Variants in TMTC2 observed in about 807,000 individuals in gnomAD.
The protein encoded by TMTC2 is transmembrane O-mannosyltransferase targeting cadherins 2, also known as protein O-mannosyl-transferase TMTC2.
TMTC2 carries 43 observed loss-of-function variants against 82.4 expected under a neutral mutation model. The ratio of observed to expected loss-of-function variants is 0.52; its 90% CI spans 0.41 to 0.67. The LOEUF is 0.67. TMTC2 is among the 30% of genes least tolerant of loss of function. The probability of loss-of-function intolerance (pLI) is 0.00; values close to 1 mark genes in which losing one functional copy is unlikely to be tolerated. For synonymous variants in TMTC2, 408 were observed against 381.9 expected (o/e 1.07, Z -0.80); for missense variants, 919 against 1,012.4 (o/e 0.91, Z 1.25).
intron 3 of TMTC2, among the ~76,000 whole-genome samples, chr12:82,906,599 G>A (rs1187077517): frequency 1.3e-5 from 2 of 152,154 alleles, no homozygotes; most frequent in African/African-American, 2.4e-5. Context: ...TGAGGCAGGA[G>A]TATTGCTTGA....
chr12:83,002,537 T>C (rs1879973568), intron 8 of TMTC2, among the ~76,000 whole-genome samples: 1 of 152,174 alleles, frequency 6.6e-6, no homozygotes, highest in Non-Finnish European at 1.5e-5. Flanking sequence ...CTTCTTGATA[T>C]AGGCATTTAG....
At chr12:83,086,843 G>T (rs1296301152) in intron 11 of TMTC2, among the ~76,000 whole-genome samples, 1 of 151,716 alleles carries the variant, frequency 6.6e-6, no homozygotes, top group Non-Finnish European at 1.5e-5. Flanking sequence ...ATCTTTTTTT[G>T]CTGGTAAAGC....
intron 1 of TMTC2, among the ~76,000 whole-genome samples, chr12:82,723,346 GC>G (rs1187993896): frequency 6.6e-6 from 1 of 152,150 alleles, no homozygotes; most frequent in Non-Finnish European, 1.5e-5. Context: ...AGCTTTCTGA[GC>G]CCTGTTAGTT....
chr12:83,072,936 A>T (rs1883167298), intron 11 of TMTC2, among the ~76,000 whole-genome samples: 1 of 152,032 alleles, frequency 6.6e-6, no homozygotes, highest in Non-Finnish European at 1.5e-5. Context: ...GTGAGTTCTT[A>T]TCCATTCTGT....
intron 8 of TMTC2, among the ~76,000 whole-genome samples, chr12:82,992,271 A>G (rs896471771): frequency 6.6e-6 from 1 of 152,108 alleles, no homozygotes; most frequent in Non-Finnish European, 1.5e-5. Flanking sequence ...CTTCTTTTTC[A>G]TTCATTTGAC....
chr12:82,911,160 G>A (rs2137209355), intron 3 of TMTC2, among the ~76,000 whole-genome samples: 1 of 152,264 alleles, frequency 6.6e-6, no homozygotes, highest in South Asian at 2.1e-4. Flanking sequence ...GATTGCAGGT[G>A]TGAGCCACTG....
At chr12:83,021,387 G>A (rs1170721361) in intron 8 of TMTC2, among the ~76,000 whole-genome samples, 1 of 152,066 alleles carries the variant, frequency 6.6e-6, no homozygotes, top group Non-Finnish European at 1.5e-5. Flanking sequence ...TCTTTCCCAT[G>A]TGAATAAATG....
chr12:83,021,353 C>T lies in TMTC2; in HGVS notation c.2071-9445C>T, dbSNP rs188784145. ...ATCACTCCACTACATAGGCACCTTC[C>T]TATCAACACTTGCTTTCATACAGTC... On this transcript the variant is annotated intron_variant, in intron 8 of 11. Transcript: ENST00000321196. Among the ~76,000 whole-genome samples the T allele has an allele frequency of 2.0e-5, 3 of 152,216 alleles. No individual in the cohort carries two copies. In the East Asian group the frequency reaches 5.8e-4, roughly 29 times the overall value.
intron 1 of TMTC2, among the ~76,000 whole-genome samples, chr12:82,785,683 A>G (rs1294487498): frequency 6.6e-6 from 1 of 152,112 alleles, no homozygotes; most frequent in African/African-American, 2.4e-5. Flanking sequence ...CAATAAAATA[A>G]TGATATCGAA....
chr12:82,863,937 G>A (rs1177252923), intron 2 of TMTC2, among the ~76,000 whole-genome samples: 1 of 152,160 alleles, frequency 6.6e-6, no homozygotes, highest in Non-Finnish European at 1.5e-5. Context: ...AATGGTGGGG[G>A]AGTTGAGAGG....
At chr12:82,871,844 A>G (rs1042113516) in intron 2 of TMTC2, among the ~76,000 whole-genome samples, 4 of 152,034 alleles carry the variant, frequency 2.6e-5, no homozygotes, top group Non-Finnish European at 5.9e-5. Flanking sequence ...ATTAATACAT[A>G]TGTACTGTTT....
chr12:83,052,270 T>C (rs1882380407), intron 10 of TMTC2, among the ~76,000 whole-genome samples: 1 of 152,136 alleles, frequency 6.6e-6, no homozygotes, highest in African/African-American at 2.4e-5. Context: ...TAGATTCACC[T>C]GTAGTTATAA....
chr12:83,028,882 T>C (rs1034354267), intron 8 of TMTC2, among the ~76,000 whole-genome samples: 2 of 152,234 alleles, frequency 1.3e-5, no homozygotes, highest in Non-Finnish European at 2.9e-5. Context: ...CCTTTGAAGT[T>C]AAAATGTGGG....
rs556631006 is a variant in TMTC2, at chr12:83,029,140, T to A, written c.2071-1658T>A. Among the ~76,000 whole-genome samples the A allele has an allele frequency of 2.0e-5, 3 of 152,256 alleles. No homozygotes were observed. The East Asian group carries it at 5.8e-4, about 29-fold the overall frequency. ...TTTTGTTTTGTTTTGTTTTGTTTTG[T>A]TTTTAATGACGGAATGAACAAAAGG... On this transcript the variant is annotated intron_variant, in intron 8 of 11. Coordinates refer to ENST00000321196, the MANE Select transcript of TMTC2 (RefSeq NM_152588.3).
At chr12:83,073,337 C>G (rs1280745488) in intron 11 of TMTC2, among the ~76,000 whole-genome samples, 1 of 152,180 alleles carries the variant, frequency 6.6e-6, no homozygotes, top group Non-Finnish European at 1.5e-5. Flanking sequence ...GGTTTCTGCT[C>G]AGAAATCTGC....
At chr12:82,753,867 A>C (rs2136969847) in intron 1 of TMTC2, among the ~76,000 whole-genome samples, 1 of 152,310 alleles carries the variant, frequency 6.6e-6, no homozygotes, top group East Asian at 1.9e-4. Context: ...ATACAGGTAA[A>C]AATAAAGCGT....
chr12:82,778,353 C>T (rs1031238452), intron 1 of TMTC2, among the ~76,000 whole-genome samples: 1 of 152,106 alleles, frequency 6.6e-6, no homozygotes, highest in Non-Finnish European at 1.5e-5. Context: ...ATCCTTCTGA[C>T]AAAGTTTGAA....
At chr12:82,721,657 T>C (rs1473840022) in intron 1 of TMTC2, among the ~76,000 whole-genome samples, 1 of 152,126 alleles carries the variant, frequency 6.6e-6, no homozygotes, top group Non-Finnish European at 1.5e-5. Context: ...TTGACAAAAA[T>C]TCCAAGTTCA....
chr12:83,059,278 T>C (rs1882653624), intron 10 of TMTC2, among the ~76,000 whole-genome samples: 1 of 151,822 alleles, frequency 6.6e-6, no homozygotes, highest in Admixed American at 6.6e-5. Context: ...TATTAAGTGC[T>C]CCCAGGATGC....
Sources: allele counts gnomAD v4.1 joint callset (sites outside exome capture counted in the v4.1 genomes callset), GRCh38; gene constraint gnomAD v4.1.1; transcripts MANE v1.5; gene names NCBI Gene and HGNC (gene_info 2026-07-23, HGNC 2026-07-21).